AXDND1: variants seen among roughly 807,000 people sequenced by gnomAD.
AXDND1 encodes the protein axonemal dynein light chain domain-containing protein 1.
Under a neutral mutation model 137.5 loss-of-function variants are expected in AXDND1, and 110 were observed. That is an observed-to-expected ratio of 0.80 (90% CI 0.69 to 0.94). The LOEUF (loss-of-function observed/expected upper bound fraction) is 0.94, where lower values mean the gene tolerates loss of function less well. Ranked by LOEUF, AXDND1 falls within the 40% of genes least tolerant of loss-of-function variation. The pLI is 0.00. For synonymous variants in AXDND1, 414 were observed against 399.7 expected (o/e 1.04, Z -0.43); for missense variants, 1,191 against 1,169.8 (o/e 1.02, Z -0.26).
At chr1:179,432,380 C>T in intron 15 of AXDND1, 38 bp downstream of exon 15, 1 of 1,515,508 alleles carries the variant, frequency 6.6e-7, no homozygotes, top group Non-Finnish European at 8.9e-7. Flanking sequence ...AATCAAAGTG[C>T]TGATTGTAAA....
At chr1:179,514,133 T>C (rs2125653364) in intron 21 of AXDND1, among the ~76,000 whole-genome samples, 1 of 152,220 alleles carries the variant, frequency 6.6e-6, no homozygotes, top group East Asian at 1.9e-4. Flanking sequence ...TTTGTTCTTG[T>C]TTCTCTAGTT....
rs1452713815 is a variant in AXDND1, at chr1:179,385,509, A to G, written c.863+150A>G. 1.1e-4 allele frequency: 98 copies of G among 883,566 alleles called. No individual in the cohort carries two copies. The East Asian group carries it at 2.5e-3, about 22-fold the overall frequency. 54.7% of individuals were successfully genotyped at this position (883,566 alleles called of 1,614,324 possible). On this transcript the variant is annotated intron_variant, in intron 9 of 25. Transcript: ENST00000367618. ...CTGCATTTTTTTTTCTTTTTTGTTA[A>G]TATATGGAAAGGGTCTATAGCTTTC...
At chr1:179,511,116 G>A (rs1353343646) in intron 21 of AXDND1, among the ~76,000 whole-genome samples, 1 of 151,408 alleles carries the variant, frequency 6.6e-6, no homozygotes, top group African/African-American at 2.4e-5. Flanking sequence ...GCAGTGAGCC[G>A]AGATCACGCC....
At chr1:179,533,626 C>CTT (rs66461504) in intron 23 of AXDND1, among the ~76,000 whole-genome samples, 169 bp from the exon 24 acceptor site, 1 of 136,218 alleles carries the variant, frequency 7.3e-6, no homozygotes, top group East Asian at 2.2e-4. Context: ...GAGACAATCC[C>CTT]TTTTTTTTTT....
At chr1:179,455,644 A>G (rs548419426) in intron 16 of AXDND1, 1 of 152,346 alleles carries the variant, frequency 6.6e-6, no homozygotes, top group East Asian at 1.9e-4. Flanking sequence ...AGATACTAGT[A>G]TATGTGTTAG....
intron 9 of AXDND1, among the ~76,000 whole-genome samples, chr1:179,392,481 G>T (rs1404611484): frequency 1.3e-5 from 2 of 152,136 alleles, no homozygotes; most frequent in East Asian, 1.9e-4. Context: ...TTTCCTGTGG[G>T]TAGATACCCA....
rs1649150845 is a variant in AXDND1, at chr1:179,386,046, T to A, written c.863+687T>A. Among the ~76,000 whole-genome samples the A allele has an allele frequency of 2.1e-5, 3 of 145,798 alleles. No individual in the cohort carries two copies. The South Asian group carries it at 6.4e-4, about 31-fold the overall frequency. On this transcript the variant is annotated intron_variant, in intron 9 of 25. Coordinates refer to ENST00000367618, the MANE Select transcript of AXDND1 (RefSeq NM_144696.6). ...TTTCCTGGAGCTGATTTTAGGATTT[T>A]TTCCTTTTTTTTTTTTTTTTTTTTT...
chr1:179,438,171 A>AATAAATAAATAC (rs60772888), intron 15 of AXDND1, among the ~76,000 whole-genome samples: 84,207 of 151,186 alleles, frequency 0.56, 23,932 homozygotes, highest in East Asian at 0.85. Context: ...TAAATAAATA[A>AATAAATAAATAC]ATAAATAAAT....
At chr1:179,470,578 AT>A (rs1663797531) in intron 17 of AXDND1, among the ~76,000 whole-genome samples, 1 of 152,158 alleles carries the variant, frequency 6.6e-6, no homozygotes, top group African/African-American at 2.4e-5. Context: ...TTTATTTCAG[AT>A]TGTTTATTGC....
At chr1:179,551,185 A>T (rs199753342) in intron 25 of AXDND1, 3 of 1,613,968 alleles carry the variant, frequency 1.9e-6, no homozygotes, top group Non-Finnish European at 2.5e-6. Context: ...ATAACATGGG[A>T]GAGTCTTTCT....
At chr1:179,474,216 C>CAAA (rs66935956) in intron 17 of AXDND1, among the ~76,000 whole-genome samples, 1 of 92,188 alleles carries the variant, frequency 1.1e-5, no homozygotes, top group Non-Finnish European at 2.4e-5. Flanking sequence ...GACTCCACCT[C>CAAA]AAAAAAAAAA....
At position 179,492,919 on chromosome 1, in the gene AXDND1, A is replaced by G; in HGVS notation, c.2356A>G (p.Thr786Ala). The stretch of plus-strand genomic sequence containing the variant: ...ATCCACTAACTCACACAAAAATGCT[A>G]CTGAAGACCTTTATGAGGTGGATAA... Reference protein sequence around the residue: ...SKSTNSHKNATEDLYEVDKLK... With the variant: ...SKSTNSHKNAAEDLYEVDKLK... The change falls in exon 20 of 26, where the codon ACT becomes GCT. Residue 786 changes from threonine (T) to alanine (A), a missense_variant. Thr to Ala is a moderately conservative substitution (Grantham distance 58). Transcript: ENST00000367618. The G allele has an allele frequency of 6.2e-7, 1 of 1,611,324 alleles. No homozygotes were observed.
intron 11 of AXDND1, among the ~76,000 whole-genome samples, chr1:179,396,624 C>G (rs1010214504): frequency 1.6e-4 from 24 of 151,398 alleles, no homozygotes; most frequent in African/African-American, 5.8e-4. Context: ...CTCCAGCACT[C>G]TAGCCTGGGC....
intron 14 of AXDND1, 147 bp from the exon 15 acceptor site, chr1:179,432,120 C>A: frequency 9.9e-7 from 1 of 1,014,642 alleles, no homozygotes; most frequent in Non-Finnish European, 1.4e-6. Context: ...TGATAAATAC[C>A]TGTGGGGAGA....
intron 20 of AXDND1, among the ~76,000 whole-genome samples, chr1:179,493,741 A>G (rs1667163056): frequency 6.6e-6 from 1 of 152,226 alleles, no homozygotes; most frequent in African/African-American, 2.4e-5. Flanking sequence ...TAAAGAAAAG[A>G]TAAATGTTTG....
intron 18 of AXDND1, among the ~76,000 whole-genome samples, chr1:179,485,203 A>C (rs1480733000): frequency 6.6e-6 from 1 of 152,200 alleles, no homozygotes; most frequent in Non-Finnish European, 1.5e-5. Context: ...ACCCTGCTGC[A>C]CTGCTGCTGC....
At chr1:179,531,450 C>T (rs1295488878) in intron 23 of AXDND1, among the ~76,000 whole-genome samples, 3 of 151,896 alleles carry the variant, frequency 2.0e-5, no homozygotes, top group Admixed American at 1.3e-4. Context: ...TTGCCCATGC[C>T]CAGGAATGAG....
chr1:179,433,057 A>G (rs184711458), intron 15 of AXDND1, among the ~76,000 whole-genome samples: 1 of 152,304 alleles, frequency 6.6e-6, no homozygotes, highest in Non-Finnish European at 1.5e-5. Context: ...GGAATTTGTT[A>G]TTGGTCTGTT....
intron 16 of AXDND1, 82 bp from the exon 17 acceptor site, chr1:179,468,361 C>A: frequency 2.1e-6 from 2 of 962,410 alleles, no homozygotes; most frequent in Non-Finnish European, 3.1e-6. Flanking sequence ...AATGCCCTTG[C>A]TCAGTAGGAT....
Sources: gnomAD v4.1 joint callset for allele counts (sites outside exome capture counted in the v4.1 genomes callset) on GRCh38, gnomAD v4.1.1 for gene constraint, MANE v1.5 for transcripts, NCBI Gene and HGNC (gene_info 2026-07-23, HGNC 2026-07-21) for gene names.